ASDURF: variants seen among roughly 807,000 people sequenced by gnomAD.
ASDURF encodes the protein ASDURF protein.
In ASDURF, 3 loss-of-function variants were observed where a neutral mutation model predicts 3.3. The ratio of observed to expected loss-of-function variants is 0.92; its 90% CI spans 0.42 to 2.37. ASDURF has a LOEUF of 2.37. Among genes scored for constraint, ASDURF ranks in the 30% most tolerant of loss-of-function variants. The pLI is 0.05. For missense variants in ASDURF, 23 were observed against 25.4 expected, an observed-to-expected ratio of 0.90 and a Z score of 0.21; for synonymous variants, 11 against 8.3, an observed-to-expected ratio of 1.32 and a Z score of -0.55.
rs760100597 is a variant in ASDURF, at chr2:189,661,480, T to G, written c.-41T>G. 7.5e-6 allele frequency: 3 copies of G among 399,004 alleles called. No homozygotes were observed. Among genetic ancestry groups the G allele is most frequent in the Non-Finnish European group, 8.8e-6 (2 of 226,154 alleles). 24.7% of individuals were successfully genotyped at this position (399,004 alleles called of 1,614,324 possible). ...CGCTGTGGCTAATGCCGTAGGCTCCTTCAGGGCTGAGCCATCCCGCGTGTC... is the reference window on the plus strand; with the variant it reads ...CGCTGTGGCTAATGCCGTAGGCTCCGTCAGGGCTGAGCCATCCCGCGTGTC... On this transcript the variant is annotated 5_prime_UTR_variant, in exon 1 of 4. Coordinates refer to ENST00000607829, the MANE Select transcript of ASDURF (RefSeq NM_001353493.2).
At chr2:189,665,584 T>TTA (rs1289542564) in intron 3 of ASDURF, 133 bp downstream of exon 3, 2 of 140,494 alleles carry the variant, frequency 1.4e-5, no homozygotes, top group African/African-American at 7.4e-5. Flanking sequence ...GAGTCAACAG[T>TTA]TATATATATA....
At chr2:189,664,070 A>G (rs1308784991) in intron 2 of ASDURF, 116 bp downstream of exon 2, 1 of 334,324 alleles carries the variant, frequency 3.0e-6, no homozygotes, top group Non-Finnish European at 5.4e-6. Context: ...AATGTATAGT[A>G]TTTCAGCATC....
chr2:189,666,084 C>CCAAGAA lies in ASDURF; in HGVS notation c.264_265insCAAGAA (p.Asn88_Leu89insGlnGlu). 6.7e-7 allele frequency: 1 copy of CCAAGAA among 1,482,196 alleles called. No individual in the cohort carries two copies. The allele number at this position is 1,482,196 out of a possible 1,614,324, so 91.8% of individuals were successfully genotyped here. Reference sequence around the variant, plus strand: ...AAAAAGAATACCAAGAAATAGAAAACTTAGACAAGACCAAAATCAAGAAAT... The same window carrying CCAAGAA: ...AAAAAGAATACCAAGAAATAGAAAACCAAGAATTAGACAAGACCAAAATCAAGAAAT... On this transcript the variant is annotated inframe_insertion, in exon 4 of 4. Coordinates refer to ENST00000607829, the MANE Select transcript of ASDURF (RefSeq NM_001353493.2).
Position 189,663,015 on chromosome 2 carries a change from A to C in ASDURF, c.91-886A>C, listed in dbSNP as rs188692442. Reference sequence around the variant, plus strand: ...CTCTATGCTAGTCATTGAGATAAAAAGAGGGAAAAATACCAAGATGGAACA... The same window carrying C: ...CTCTATGCTAGTCATTGAGATAAAACGAGGGAAAAATACCAAGATGGAACA... On this transcript the variant is annotated intron_variant, in intron 1 of 3. Coordinates refer to ENST00000607829, the MANE Select transcript of ASDURF (RefSeq NM_001353493.2). Among the ~76,000 whole-genome samples, 673 of 151,828 alleles carry C rather than the reference A, an allele frequency of 4.4e-3. 2 individuals carry two copies. The highest frequency in any genetic ancestry group is 0.015 in the African/African-American group (639 of 41,448).
intron 1 of ASDURF, among the ~76,000 whole-genome samples, chr2:189,662,856 G>A (rs769479611): frequency 8.6e-4 from 130 of 150,510 alleles, no homozygotes; most frequent in Non-Finnish European, 1.0e-4. Flanking sequence ...GCTAAGGTGT[G>A]AGAATCGCCT....
rs777595485 is a variant in ASDURF, at chr2:189,666,385, G to T, written c.*274G>T. On this transcript the variant is annotated 3_prime_UTR_variant, in exon 4 of 4. Coordinates refer to ENST00000607829, the MANE Select transcript of ASDURF (RefSeq NM_001353493.2). ...TGGAGAAATTTTTAGTGGAATAAAGGTTGAAGCTGAAGAGAATGACACTCA... is the reference window on the plus strand; with the variant it reads ...TGGAGAAATTTTTAGTGGAATAAAGTTTGAAGCTGAAGAGAATGACACTCA... 1.9e-6 allele frequency: 3 copies of T among 1,613,910 alleles called. No individual in the cohort carries two copies. Among genetic ancestry groups the T allele is most frequent in the South Asian group, 2.2e-5 (2 of 91,062 alleles).
chr2:189,662,934 G>A (rs2032701146), intron 1 of ASDURF, among the ~76,000 whole-genome samples: 1 of 113,076 alleles, frequency 8.8e-6, no homozygotes, highest in Non-Finnish European at 1.7e-5. Context: ...GGGTAACAGA[G>A]CAAGACCCTG....
intron 2 of ASDURF, among the ~76,000 whole-genome samples, chr2:189,665,019 A>G (rs993936128): frequency 6.6e-6 from 1 of 152,236 alleles, no homozygotes; most frequent in African/African-American, 2.4e-5. Context: ...TTATATCTAT[A>G]TAGCAGTAGG....
intron 2 of ASDURF, 74 bp from the exon 3 acceptor site, chr2:189,665,302 A>G (rs1230870209): frequency 2.6e-6 from 1 of 383,316 alleles, no homozygotes; most frequent in Middle Eastern, 6.5e-4. Context: ...AGAATTAGTG[A>G]TAATAGGGTT....
Position 189,665,596 on chromosome 2 carries a change from GTGTATATATATATATATATATATATA to G in ASDURF, c.220+147_220+172del, listed in dbSNP as rs1257533042. The G allele has an allele frequency of 1.2e-3, 129 of 111,602 alleles. 8 individuals are homozygous for G. Among genetic ancestry groups the G allele is most frequent in the Admixed American group, 3.6e-3 (37 of 10,384 alleles). 6.9% of individuals were successfully genotyped at this position (111,602 alleles called of 1,614,324 possible). On this transcript the variant is annotated intron_variant, in intron 3 of 3. Transcript: ENST00000607829. ...GATGAGTCAACAGTTATATATATAT[GTGTATATATATATATATATATATATA>G]TATATATATATATATATATATATAT...
At position 189,665,455 on chromosome 2, in the gene ASDURF, A is replaced by G; in HGVS notation, c.220+4A>G. 1 of 397,586 alleles carries G rather than the reference A, an allele frequency of 2.5e-6. No individual in the cohort carries two copies. The allele number at this position is 397,586 out of a possible 1,614,324, so 24.6% of individuals were successfully genotyped here. A position where few individuals can be genotyped will look rare whatever the true frequency, so the allele number is the denominator to read the frequency against. On this transcript the variant is annotated splice_donor_region_variant and intron_variant, in intron 3 of 3. Coordinates refer to ENST00000607829, the MANE Select transcript of ASDURF (RefSeq NM_001353493.2). ...GAAATGCTGTCTGAGAGCAAGAGTAAGTTTTTTCTTTTTTGGGGTTTTTGG... is the reference window on the plus strand; with the variant it reads ...GAAATGCTGTCTGAGAGCAAGAGTAGGTTTTTTCTTTTTTGGGGTTTTTGG...
At chr2:189,665,640 A>ATGTGTG (rs2032783830) in intron 3 of ASDURF, among the ~76,000 whole-genome samples, 189 bp downstream of exon 3, 1 of 119,434 alleles carries the variant, frequency 8.4e-6, no homozygotes, top group Admixed American at 9.1e-5. Flanking sequence ...ATATATATAT[A>ATGTGTG]TATATATTAT....
rs147335055 is a variant in ASDURF, at chr2:189,662,194, G to C, written c.90+584G>C. On this transcript the variant is annotated intron_variant, in intron 1 of 3. Transcript: ENST00000607829. Reference sequence around the variant, plus strand: ...GCAATGGTCCTAAAACACGCATTGGGTTGTCACTCATACCAAACTGGGGGA... The same window carrying C: ...GCAATGGTCCTAAAACACGCATTGGCTTGTCACTCATACCAAACTGGGGGA... Among the ~76,000 whole-genome samples, 916 of 152,292 alleles carry C rather than the reference G, an allele frequency of 6.0e-3. 18 individuals are homozygous for C. Among genetic ancestry groups the C allele is most frequent in the African/African-American group, 0.02 (850 of 41,548 alleles).
At chr2:189,665,644 A>ATATATATATATG (rs1455945789) in intron 3 of ASDURF, among the ~76,000 whole-genome samples, 193 bp downstream of exon 3, 6 of 123,746 alleles carry the variant, frequency 4.8e-5, no homozygotes, top group East Asian at 4.8e-4. Flanking sequence ...ATATATATAT[A>ATATATATATATG]TATTATAAAT....
intron 2 of ASDURF, 123 bp from the exon 3 acceptor site, chr2:189,665,253 G>T (rs2032758961): frequency 2.7e-6 from 1 of 369,752 alleles, no homozygotes; most frequent in South Asian, 1.4e-4. Flanking sequence ...CTTTTTGCTT[G>T]TCTGTATTTG....
In ASDURF at chr2:189,665,395, A is replaced by C; in HGVS notation, c.164A>C (p.Gln55Pro). 2 of 397,770 alleles carry C rather than the reference A, an allele frequency of 5.0e-6. No homozygotes were observed. The highest frequency in any genetic ancestry group is 8.9e-6 in the Non-Finnish European group (2 of 225,492). 24.6% of individuals were successfully genotyped at this position (397,770 alleles called of 1,614,324 possible). The change falls in exon 3 of 4, where the codon CAG becomes CCG. Residue 55 changes from glutamine (Q) to proline (P), a missense_variant. Gln to Pro is a moderately conservative substitution (Grantham distance 76, BLOSUM62 -1). Coordinates refer to ENST00000607829, the MANE Select transcript of ASDURF (RefSeq NM_001353493.2). ...TTCCAGAAAGTATATAGGCAACAAC[A>C]GAACAGCAATATATTCTTTCTTGCA... ...KKNRKVYRQQQNSNIFFLADR... is the reference protein window; with the variant it reads ...KKNRKVYRQQPNSNIFFLADR...
rs184959855 is a variant in ASDURF at position 189,663,166 on chromosome 2, T to G, written c.91-735T>G. Among the ~76,000 whole-genome samples, 170 of 151,996 alleles carry G rather than the reference T, an allele frequency of 1.1e-3. 1 individual carries two copies. In the Middle Eastern group the frequency reaches 0.031, roughly 27 times the overall value. On this transcript the variant is annotated intron_variant, in intron 1 of 3. Transcript: ENST00000607829. ...ACCCCTCATTCAATTTGCTTTTTTT[T>G]AAATCTAAATCACAACTTAATTTTC...
chr2:189,665,479 G>T (rs1328102756), intron 3 of ASDURF, 28 bp downstream of exon 3: 1 of 394,954 alleles, frequency 2.5e-6, no homozygotes. Flanking sequence ...TGGGGTTTTT[G>T]GGGGGTGCCT....
intron 3 of ASDURF, among the ~76,000 whole-genome samples, 165 bp downstream of exon 3, chr2:189,665,616 A>ATATG (rs1455761332): frequency 1.4e-4 from 15 of 107,000 alleles, no homozygotes; most frequent in African/African-American, 4.9e-4. Flanking sequence ...ATATATATAT[A>ATATG]TATATATATA....
Sources: allele counts gnomAD v4.1 joint callset (sites outside exome capture counted in the v4.1 genomes callset), GRCh38; gene constraint gnomAD v4.1.1; transcripts MANE v1.5; gene names NCBI Gene and HGNC (gene_info 2026-07-23, HGNC 2026-07-21).